The following QPRT variants were observed in gnomAD, a reference collection of about 807,000 sequenced individuals.
QPRT encodes the protein nicotinate-nucleotide pyrophosphorylase [carboxylating].
Under a neutral mutation model 19.8 loss-of-function variants are expected in QPRT, and 17 were observed. The observed-to-expected ratio is 0.86, with a 90% CI of 0.59 to 1.29. The LOEUF (loss-of-function observed/expected upper bound fraction) is 1.29, where lower values mean the gene tolerates loss of function less well. Ranked by LOEUF, QPRT falls within the 50% of genes most tolerant of loss-of-function variation. The pLI is 0.00. For synonymous variants in QPRT, 178 were observed against 191.0 expected (o/e 0.93, Z 0.56); for missense variants, 336 against 405.1 (o/e 0.83, Z 1.46).
upstream of QPRT, chr16:29,679,160 A>G: frequency 6.2e-7 from 1 of 1,613,594 alleles, no homozygotes; most frequent in Non-Finnish European, 8.5e-7. Flanking sequence ...CTTGGTCCTG[A>G]GCAGCCAACA....
intron 1 of QPRT, among the ~76,000 whole-genome samples, chr16:29,683,939 C>T (rs1191576726): frequency 6.6e-6 from 1 of 152,142 alleles, no homozygotes; most frequent in Non-Finnish European, 1.5e-5. Flanking sequence ...GTGGCTTCTG[C>T]CCCCGACACA....
Position 29,679,666 on chromosome 16 carries a change from CTG to C in QPRT, c.13+458_13+459del, listed in dbSNP as rs552773726. On this transcript the variant is annotated intron_variant, in intron 1 of 3. Transcript: ENST00000395384. ...CTGCCTGGAGGGAGCTGTATGCAAA[CTG>C]TTGGGGTGATCAGTCCCAACCCCCA... 1.9e-3 allele frequency among the ~76,000 whole-genome samples: 296 copies of C among 152,248 alleles called. 1 individual carries two copies. The highest frequency in any genetic ancestry group is 3.5e-3 in the Non-Finnish European group (240 of 68,028).
intron 1 of QPRT, among the ~76,000 whole-genome samples, chr16:29,693,882 G>T (rs936464059): frequency 2.0e-5 from 3 of 151,540 alleles, no homozygotes; most frequent in African/African-American, 7.3e-5. Context: ...GAGCCACCGC[G>T]CCTGGCCAGA....
At chr16:29,688,706 G>C (rs190777925) in intron 1 of QPRT, among the ~76,000 whole-genome samples, 1 of 151,442 alleles carries the variant, frequency 6.6e-6, no homozygotes, top group East Asian at 1.9e-4. Context: ...TTTTAGTAGG[G>C]ACAGGGTTTT....
chr16:29,680,458 G>T (rs974378026), intron 1 of QPRT, among the ~76,000 whole-genome samples: 6 of 152,216 alleles, frequency 3.9e-5, no homozygotes, highest in Admixed American at 3.9e-4. Context: ...GCCCCCTATG[G>T]TGTTCCATAG....
intron 1 of QPRT, among the ~76,000 whole-genome samples, chr16:29,685,083 C>T (rs1471806113): frequency 1.3e-5 from 2 of 152,216 alleles, no homozygotes; most frequent in African/African-American, 4.8e-5. Context: ...CTGGTAGATC[C>T]CCTTTTGGAA....
At chr16:29,694,106 G>A (rs1212515430) in intron 1 of QPRT, among the ~76,000 whole-genome samples, 4 of 151,496 alleles carry the variant, frequency 2.6e-5, no homozygotes, top group African/African-American at 9.7e-5. Context: ...GTGAGCCACC[G>A]CACCCGGTCA....
chr16:29,692,257 T>G (rs931769116), intron 1 of QPRT, among the ~76,000 whole-genome samples: 1 of 3,868 alleles, frequency 2.6e-4, no homozygotes, highest in African/African-American at 2.7e-4. Flanking sequence ...CCTTATTTAT[T>G]TATTTATTTA....
At chr16:29,695,420 T>C (rs1967500485) in intron 2 of QPRT, among the ~76,000 whole-genome samples, 1 of 150,678 alleles carries the variant, frequency 6.6e-6, no homozygotes, top group Non-Finnish European at 1.5e-5. Context: ...TTTCTGGAGA[T>C]GGGGCCTCAG....
intron 1 of QPRT, 112 bp downstream of exon 1, chr16:29,679,322 C>T: frequency 1.3e-6 from 1 of 755,840 alleles, no homozygotes; most frequent in South Asian, 1.8e-5. Flanking sequence ...GTCATCTCTC[C>T]TCTGGTCCCG....
intron 1 of QPRT, among the ~76,000 whole-genome samples, chr16:29,687,154 G>A (rs537342349): frequency 2.0e-5 from 3 of 152,034 alleles, no homozygotes; most frequent in East Asian, 1.9e-4. Flanking sequence ...TCACAGACAC[G>A]CCCGGAGGTT....
intron 1 of QPRT, among the ~76,000 whole-genome samples, chr16:29,691,364 C>CAAAAAAAAAAAAAAAAAAAAAAAAAAA: frequency 1.9e-5 from 1 of 51,894 alleles, no homozygotes; most frequent in Non-Finnish European, 3.0e-5. Context: ...AGCTCTGCAT[C>CAAAAAAAAAAAAAAAAAAAAAAAAAAA]AAAAAAAAAA....
Position 29,697,666 on chromosome 16 carries a change from T to C in QPRT, c.*255T>C. ...GGGTTCTGCGGTGATAATGAGCACA[T>C]AGTGAGGGGTCAGCAAATGTCAGAA... is the stretch of plus-strand genomic sequence containing the variant. On this transcript the variant is annotated 3_prime_UTR_variant, in exon 4 of 4. Transcript: ENST00000395384. The surrounding 1 kb of genome is among the most constrained non-coding windows in gnomAD (Gnocchi z 4.4). 6.3e-6 allele frequency: 3 copies of C among 475,180 alleles called. No homozygotes were observed. In the South Asian group the frequency reaches 9.9e-5, roughly 16 times the overall value. 29.4% of individuals were successfully genotyped at this position (475,180 alleles called of 1,614,324 possible).
intron 1 of QPRT, among the ~76,000 whole-genome samples, chr16:29,689,240 G>A (rs1318278676): frequency 4.6e-5 from 7 of 151,884 alleles, no homozygotes; most frequent in Non-Finnish European, 8.8e-5. Context: ...GATTACAGGC[G>A]CCTGCCACCA....
Position 29,695,049 on chromosome 16 carries a change from C to T in QPRT, c.399C>T (p.His133=), listed in dbSNP as rs769605728. The T allele has an allele frequency of 1.7e-5, 27 of 1,605,406 alleles. 1 individual carries two copies. In the South Asian group the frequency reaches 1.8e-4, roughly 10 times the overall value. ...CCAGGGGGGCCGGCTGGACTGGGCA[C>T]GTGGCAGGCACGAGGAAGACCACGC... The part of the protein sequence containing the change: ...EAARGAGWTG[H]VAGTRKTTPG... Residue 133 remains histidine, a synonymous_variant, in exon 2 of 4, where the codon CAC becomes CAT. Coordinates refer to ENST00000395384, the MANE Select transcript of QPRT (RefSeq NM_014298.6).
rs1171705021 is a variant in QPRT, at chr16:29,695,034, C to T, written c.384C>T (p.Ala128=). 3 of 1,605,022 alleles carry T rather than the reference C, an allele frequency of 1.9e-6. No individual in the cohort carries two copies. The highest frequency in any genetic ancestry group is 2.2e-5 in the South Asian group (2 of 90,936). ...AAAAVEAARG[A]GWTGHVAGTR... ...CTGCAGTGGAGGCCGCCAGGGGGGC[C>T]GGCTGGACTGGGCACGTGGCAGGCA... is the stretch of plus-strand genomic sequence containing the variant. Residue 128 remains alanine (A), a synonymous_variant, in exon 2 of 4, where the codon GCC becomes GCT. Coordinates refer to ENST00000395384, the MANE Select transcript of QPRT (RefSeq NM_014298.6).
intron 1 of QPRT, among the ~76,000 whole-genome samples, chr16:29,689,235 C>T (rs1406051875): frequency 1.3e-5 from 2 of 152,196 alleles, no homozygotes; most frequent in East Asian, 3.9e-4. Context: ...GCTGGGATTA[C>T]AGGCGCCTGC....
chr16:29,697,012 G>C lies in QPRT; in HGVS notation c.566G>C (p.Arg189Thr), dbSNP rs754061553. Residue 189 changes from arginine to threonine, a missense_variant, in exon 3 of 4, where the codon AGA becomes ACA. By Grantham distance (71) the Arg-to-Thr change is moderately conservative (BLOSUM62 -1). Coordinates refer to ENST00000395384, the MANE Select transcript of QPRT (RefSeq NM_014298.6). This position sits in a 1 kb window ranked among gnomAD's most constrained non-coding sequence, Gnocchi z 4.4. The part of the protein sequence containing the change: ...GGVEKAVRAA[R>T]QAADFTLKVE... ...GCCCAGCAGGCGGTGCGGGCGGCCA[G>C]ACAGGCGGCTGACTTCACTCTGAAG... The C allele has an allele frequency of 6.2e-7, 1 of 1,607,404 alleles. No individual in the cohort carries two copies. The highest frequency in any genetic ancestry group is 8.5e-7 in the Non-Finnish European group (1 of 1,178,120).
chr16:29,684,283 C>A (rs1300066733), intron 1 of QPRT, among the ~76,000 whole-genome samples: 1 of 152,002 alleles, frequency 6.6e-6, no homozygotes, highest in African/African-American at 2.4e-5. Flanking sequence ...CCATGCCCAG[C>A]TAACTTTTTC....
Sources: gnomAD v4.1 joint callset for allele counts (sites outside exome capture counted in the v4.1 genomes callset) on GRCh38, gnomAD v4.1.1 for gene constraint, Gnocchi (gnomAD v3.1) non-coding constraint, MANE v1.5 for transcripts, NCBI Gene and HGNC (gene_info 2026-07-23, HGNC 2026-07-21) for gene names.